CEMIP: variants seen among roughly 807,000 people sequenced by gnomAD.
The protein encoded by CEMIP is cell migration inducing hyaluronidase 1.
CEMIP carries 105 observed loss-of-function variants against 156.9 expected under a neutral mutation model. The ratio of observed to expected loss-of-function variants is 0.67; its 90% CI spans 0.57 to 0.79. CEMIP has a LOEUF of 0.79. Ranked by LOEUF, CEMIP falls within the 30% of genes least tolerant of loss-of-function variation. CEMIP has a pLI of 0.00. For missense variants in CEMIP, 1,457 were observed against 1,769.4 expected (o/e 0.82, Z 3.17); for synonymous variants, 676 against 668.4 (o/e 1.01, Z -0.17).
At chr15:80,802,189 A>C (rs192075766) in intron 1 of CEMIP, among the ~76,000 whole-genome samples, 29 of 152,378 alleles carry the variant, frequency 1.9e-4, no homozygotes, top group Admixed American at 1.8e-3. Flanking sequence ...AACAAGGCAC[A>C]GTAACAAGGA....
chr15:80,822,650 CAG>C (rs1312739536), intron 1 of CEMIP, among the ~76,000 whole-genome samples: 1 of 152,200 alleles, frequency 6.6e-6, no homozygotes, highest in Non-Finnish European at 1.5e-5. Context: ...ACATTGAAAA[CAG>C]TGGCTTGCCC....
At chr15:80,929,374 AAT>A (rs1900818890) in intron 21 of CEMIP, among the ~76,000 whole-genome samples, 200 bp downstream of exon 21, 1 of 152,208 alleles carries the variant, frequency 6.6e-6, no homozygotes, top group South Asian at 2.1e-4. Flanking sequence ...AGTGGTGTTG[AAT>A]ATGAGTCAAC....
chr15:80,853,601 T>C (rs1897765368), intron 1 of CEMIP, among the ~76,000 whole-genome samples: 1 of 152,192 alleles, frequency 6.6e-6, no homozygotes, highest in Non-Finnish European at 1.5e-5. Flanking sequence ...TCAAATGGCA[T>C]GGATCTCATA....
Position 80,925,760 on chromosome 15 carries a change from G to C in CEMIP, c.2420+5G>C. On this transcript the variant is annotated splice_donor_5th_base_variant and intron_variant, in intron 19 of 29. Coordinates refer to ENST00000394685, the MANE Select transcript of CEMIP (RefSeq NM_001293298.2). ...TGTGTGGCTGGACAGCTGCCGGTGA[G>C]TCAGAGCGGCGTGTGGCTTTGGCAC... is the stretch of plus-strand genomic sequence containing the variant. 6.2e-7 allele frequency: 1 copy of C among 1,611,766 alleles called. No individual in the cohort carries two copies. Among genetic ancestry groups the C allele is most frequent in the Non-Finnish European group, 8.5e-7 (1 of 1,179,826 alleles).
chr15:80,909,149 T>G lies in CEMIP; in HGVS notation c.1640T>G (p.Met547Arg). 1.2e-6 allele frequency: 2 copies of G among 1,614,136 alleles called. No homozygotes were observed. The highest frequency in any genetic ancestry group is 1.7e-6 in the Non-Finnish European group (2 of 1,180,024). The change falls in exon 14 of 30, where the codon ATG becomes AGG. Residue 547 changes from methionine to arginine, a missense_variant. This residue lies in a region of CEMIP where 53 missense variants were observed against 104.5 expected (regional missense o/e 0.51). Coordinates refer to ENST00000394685, the MANE Select transcript of CEMIP (RefSeq NM_001293298.2). ...AHLEGTELKHMGQQLVGQYPI... is the reference protein window; with the variant it reads ...AHLEGTELKHRGQQLVGQYPI... ...TTGGAGGGCACGGAGCTGAAGCATA[T>G]GGGACAGCAGCTGGTGGGTCAGTAC... is the stretch of plus-strand genomic sequence containing the variant.
At chr15:80,946,790 T>C (rs777419227) in intron 28 of CEMIP, 175 bp from the exon 29 acceptor site, 46 of 650,998 alleles carry the variant, frequency 7.1e-5, no homozygotes, top group Non-Finnish European at 1.2e-4. Context: ...CGTCACCACA[T>C]GGAAAGAGCC....
At position 80,933,422 on chromosome 15, in the gene CEMIP, G is replaced by T; in HGVS notation, c.2971G>T (p.Asp991Tyr). 2 of 1,614,136 alleles carry T rather than the reference G, an allele frequency of 1.2e-6. No individual in the cohort carries two copies. The highest frequency in any genetic ancestry group is 2.2e-5 in the South Asian group (2 of 91,060). Residue 991 changes from aspartate to tyrosine, a missense_variant, in exon 23 of 30, where the codon GAC becomes TAC. By Grantham distance (160) the Asp-to-Tyr change is radical. Transcript: ENST00000394685. The part of the protein sequence containing the change: ...VRHPDCINVP[D>Y]WRGAICSGCY... ...GCACCCAGACTGCATCAATGTTCCC[G>T]ACTGGAGAGGGGCCATTTGCAGTGG...
At chr15:80,848,374 C>T (rs1897616089) in intron 1 of CEMIP, among the ~76,000 whole-genome samples, 1 of 152,154 alleles carries the variant, frequency 6.6e-6, no homozygotes, top group Admixed American at 6.5e-5. Flanking sequence ...CTGTTCCATG[C>T]TCTGACACCT....
intron 1 of CEMIP, among the ~76,000 whole-genome samples, chr15:80,865,909 G>T (rs1898113267): frequency 6.6e-6 from 1 of 152,292 alleles, no homozygotes; most frequent in South Asian, 2.1e-4. Flanking sequence ...GTTGCACAGG[G>T]GTATGGGACT....
chr15:80,933,157 G>T, intron 22 of CEMIP, 88 bp from the exon 23 acceptor site: 3 of 1,185,086 alleles, frequency 2.5e-6, no homozygotes, highest in Non-Finnish European at 2.5e-6. Flanking sequence ...TAACGTCAGT[G>T]GAAATCGGAA....
At chr15:80,820,180 C>T (rs1221747427) in intron 1 of CEMIP, among the ~76,000 whole-genome samples, 1 of 152,188 alleles carries the variant, frequency 6.6e-6, no homozygotes, top group African/African-American at 2.4e-5. Flanking sequence ...TTTTCCCTGA[C>T]TGATTTTCCT....
chr15:80,851,249 G>C (rs1041829819), intron 1 of CEMIP, among the ~76,000 whole-genome samples: 1 of 152,206 alleles, frequency 6.6e-6, no homozygotes, highest in African/African-American at 2.4e-5. Flanking sequence ...AGCAAACAAA[G>C]GGTGAACAGG....
chr15:80,920,019 G>A (rs1900412983), intron 14 of CEMIP, 75 bp from the exon 15 acceptor site: 3 of 1,323,028 alleles, frequency 2.3e-6, no homozygotes, highest in Admixed American at 3.4e-5. Context: ...AGACTATTTA[G>A]TGTTTGCTGA....
At chr15:80,888,326 TA>T (rs929399686) in intron 8 of CEMIP, among the ~76,000 whole-genome samples, 257 of 150,954 alleles carry the variant, frequency 1.7e-3, no homozygotes, top group African/African-American at 6.1e-3. Context: ...CAAAAAAATT[TA>T]AAAAAAAAGA....
At chr15:80,876,116 C>A (rs916489902) in intron 3 of CEMIP, among the ~76,000 whole-genome samples, 7 of 152,250 alleles carry the variant, frequency 4.6e-5, no homozygotes, top group Non-Finnish European at 8.8e-5. Context: ...ATTCATGGCT[C>A]CTTGCCTGGA....
rs916440852 is a variant in CEMIP, at chr15:80,950,680, T to G, written c.*1756T>G. 2.0e-5 allele frequency: 3 copies of G among 152,652 alleles called. No individual in the cohort carries two copies. Among genetic ancestry groups the G allele is most frequent in the African/African-American group, 7.2e-5 (3 of 41,448 alleles). 9.5% of individuals were successfully genotyped at this position (152,652 alleles called of 1,614,324 possible). A position where few individuals can be genotyped will look rare whatever the true frequency, so the allele number is the denominator to read the frequency against. ...CTGATCTTGGGTGTCTGAACAGCTA[T>G]TGGGTCCACCCCAGTCCCTTTCAGC... On this transcript the variant is annotated 3_prime_UTR_variant, in exon 30 of 30. Transcript: ENST00000394685.
At position 80,819,730 on chromosome 15, in the gene CEMIP, G is replaced by C. The variant is rs563950281; in HGVS notation, c.-176+40116G>C. On this transcript the variant is annotated intron_variant, in intron 1 of 29. Transcript: ENST00000394685. ...ATCTTCTCTTAGAGAAAGAGGAAGG[G>C]AATGGGGGAACATTTATTAAGCACC... is the stretch of plus-strand genomic sequence containing the variant. Among the ~76,000 whole-genome samples, 8 of 152,362 alleles carry C rather than the reference G, an allele frequency of 5.3e-5. No individual in the cohort carries two copies. In the East Asian group the frequency reaches 1.5e-3, roughly 29 times the overall value.
chr15:80,893,292 T>A (rs1899097148), intron 10 of CEMIP, among the ~76,000 whole-genome samples: 1 of 152,110 alleles, frequency 6.6e-6, no homozygotes, highest in South Asian at 2.1e-4. Flanking sequence ...CCAAGAATAA[T>A]AATAAACTCA....
chr15:80,916,936 AT>A (rs1181907743), intron 14 of CEMIP, among the ~76,000 whole-genome samples: 1 of 152,212 alleles, frequency 6.6e-6, no homozygotes, highest in Admixed American at 6.5e-5. Context: ...ATTGTTGAGT[AT>A]TGATTGACAC....
Sources: allele counts gnomAD v4.1 joint callset (sites outside exome capture counted in the v4.1 genomes callset), GRCh38; gene constraint gnomAD v4.1.1; regional missense constraint gnomAD v4.1.1; transcripts MANE v1.5; gene names NCBI Gene and HGNC (gene_info 2026-07-23, HGNC 2026-07-21).